SPRR2A: variants seen among roughly 807,000 people sequenced by gnomAD.
The protein encoded by SPRR2A is small proline-rich protein 2A.
SPRR2A carries 3 observed loss-of-function variants against 1.2 expected under a neutral mutation model. The observed-to-expected ratio is 2.56, with a 90% CI of 1.17 to 6.62. The LOEUF (loss-of-function observed/expected upper bound fraction) is 6.62, where lower values mean the gene tolerates loss of function less well. Ranked by LOEUF, SPRR2A falls within the 30% of genes most tolerant of loss-of-function variation. The pLI is 0.02. For synonymous variants in SPRR2A, 31 were observed against 33.1 expected, an observed-to-expected ratio of 0.94 and a Z score of 0.21; for missense variants, 66 against 87.8, an observed-to-expected ratio of 0.75 and a Z score of 0.99.
rs1654342174 is a variant in SPRR2A at position 153,056,281 on chromosome 1, G to A, written c.*236C>T. The stretch of plus-strand genomic sequence containing the variant: ...TGCTCTTTCTTCCGAAGCTCTGGGA[G>A]CTGGCACAGCCCAGGACTTCCTTTG... On this transcript the variant is annotated 3_prime_UTR_variant, in exon 2 of 2. Coordinates refer to ENST00000392653, the MANE Select transcript of SPRR2A (RefSeq NM_005988.3). The A allele has an allele frequency of 1.0e-5, 7 of 669,546 alleles. No homozygotes were observed. The highest frequency in any genetic ancestry group is 1.4e-5 in the Non-Finnish European group (6 of 417,648). 41.5% of individuals were successfully genotyped at this position (669,546 alleles called of 1,614,324 possible).
chr1:153,056,766 G>A lies in SPRR2A; in HGVS notation c.-19-12C>T. 2 of 1,594,916 alleles carry A rather than the reference G, an allele frequency of 1.3e-6. No homozygotes were observed. Among genetic ancestry groups the A allele is most frequent in the Admixed American group, 1.7e-5 (1 of 58,578 alleles). On this transcript the variant is annotated splice_polypyrimidine_tract_variant and intron_variant, in intron 1 of 1. Transcript: ENST00000392653. ...TGGAGTCTCAGGATCTGAAAGAAAT[G>A]ATACAACAGTGTTCGTGGGAAGGGA...
At position 153,056,451 on chromosome 1, in the gene SPRR2A, G is replaced by A; in HGVS notation, c.*66C>T. 1 of 1,573,270 alleles carries A rather than the reference G, an allele frequency of 6.4e-7. No individual in the cohort carries two copies. The highest frequency in any genetic ancestry group is 8.6e-7 in the Non-Finnish European group (1 of 1,158,708). ...TAGGCTTTGATGAGAAGATGAAGGT[G>A]GAGCTGTGGAACGAGGTGAGCCAAA... On this transcript the variant is annotated 3_prime_UTR_variant, in exon 2 of 2. Transcript: ENST00000392653.
At chr1:153,057,256 G>A (rs1051536368) in intron 1 of SPRR2A, among the ~76,000 whole-genome samples, 1 of 152,028 alleles carries the variant, frequency 6.6e-6, no homozygotes, top group African/African-American at 2.4e-5. Context: ...TCATATCAAA[G>A]GTTACCCCTT....
rs1654355284 is a variant in SPRR2A at position 153,056,591 on chromosome 1, G to C, written c.145C>G (p.Gln49Glu). The C allele has an allele frequency of 1.2e-6, 2 of 1,612,172 alleles. No homozygotes were observed. The highest frequency in any genetic ancestry group is 1.7e-6 in the Non-Finnish European group (2 of 1,179,834). Residue 49 changes from glutamine (Q) to glutamate (E), a missense_variant, in exon 2 of 2, where the codon CAG becomes GAG. Transcript: ENST00000392653. ...ACAGGAGGATATTTCTGCTGGCACTGCTGAGGTGGGCAGGGCTGTGGACAC... is the reference window on the plus strand; with the variant it reads ...ACAGGAGGATATTTCTGCTGGCACTCCTGAGGTGGGCAGGGCTGTGGACAC... The part of the protein sequence containing the change: ...PKCPQPCPPQ[Q>E]CQQKYPPVTP...
Position 153,056,462 on chromosome 1 carries a change from A to T in SPRR2A, c.*55T>A. On this transcript the variant is annotated 3_prime_UTR_variant, in exon 2 of 2. Coordinates refer to ENST00000392653, the MANE Select transcript of SPRR2A (RefSeq NM_005988.3). ...GAGAAGATGAAGGTGGAGCTGTGGA[A>T]CGAGGTGAGCCAAATATCCTTATCC... 6.3e-7 allele frequency: 1 copy of T among 1,582,928 alleles called. No homozygotes were observed. Among genetic ancestry groups the T allele is most frequent in the Non-Finnish European group, 8.6e-7 (1 of 1,164,090 alleles).
At chr1:153,056,866 A>T (rs1229324063) in intron 1 of SPRR2A, 112 bp from the exon 2 acceptor site, 12 of 1,483,802 alleles carry the variant, frequency 8.1e-6, no homozygotes, top group Non-Finnish European at 1.1e-5. Context: ...GAAATTATTT[A>T]AATTCTTAAT....
chr1:153,056,481 C>T lies in SPRR2A; in HGVS notation c.*36G>A, dbSNP rs1654350892. 6.2e-7 allele frequency: 1 copy of T among 1,604,446 alleles called. No homozygotes were observed. Among genetic ancestry groups the T allele is most frequent in the East Asian group, 2.2e-5 (1 of 44,818 alleles). ...TGTGGAACGAGGTGAGCCAAATATC[C>T]TTATCCTTTCTTGGTCCTGATGAAT... On this transcript the variant is annotated 3_prime_UTR_variant, in exon 2 of 2. Transcript: ENST00000392653.
At position 153,056,773 on chromosome 1, in the gene SPRR2A, C is replaced by T. The variant is rs771699339; in HGVS notation, c.-19-19G>A. On this transcript the variant is annotated intron_variant, in intron 1 of 1. Transcript: ENST00000392653. ...TCAGGATCTGAAAGAAATGATACAA[C>T]AGTGTTCGTGGGAAGGGAATCCTCC... The T allele has an allele frequency of 1.1e-5, 18 of 1,596,474 alleles. No homozygotes were observed. Among genetic ancestry groups the T allele is most frequent in the Middle Eastern group, 2.3e-4 (1 of 4,430 alleles).
Position 153,056,547 on chromosome 1 carries a change from G to T in SPRR2A, c.189C>A (p.Cys63Ter). Residue 63 changes from cysteine (C) to a stop codon, truncating the protein, a stop_gained, in exon 2 of 2, where the codon TGC becomes TGA. Transcript: ENST00000392653. LOFTEE classifies it high-confidence loss of function. Reference sequence around the variant, plus strand: ...TGCTCTTCGGTGGATACTTTGACTGGCAGGGTGGGGAAGGTGTCACAGGAG... The same window carrying T: ...TGCTCTTCGGTGGATACTTTGACTGTCAGGGTGGGGAAGGTGTCACAGGAG... The part of the protein sequence containing the change: ...KYPPVTPSPP[C>*]QSKYPPKSK 6.2e-7 allele frequency: 1 copy of T among 1,612,300 alleles called. No individual in the cohort carries two copies. Among genetic ancestry groups the T allele is most frequent in the Non-Finnish European group, 8.5e-7 (1 of 1,179,856 alleles).
rs768272791 is a variant in SPRR2A, at chr1:153,056,697, C to T, written c.39G>A (p.Gln13=). The stretch of plus-strand genomic sequence containing the variant: ...TTGGCGTGGGGCACACAGGAGGTGG[C>T]TGGCAGGGCTGCTTGCACTGCTGCT... ...YQQQQCKQPC[Q]PPPVCPTPKC... The change falls in exon 2 of 2, where the codon CAG becomes CAA. Residue 13 remains glutamine, a synonymous_variant. Transcript: ENST00000392653. 5.5e-5 allele frequency: 88 copies of T among 1,610,090 alleles called. No homozygotes were observed. Among genetic ancestry groups the T allele is most frequent in the Non-Finnish European group, 7.1e-5 (84 of 1,179,376 alleles).
At chr1:153,056,781 G>A (rs112694000) in intron 1 of SPRR2A, 27 bp from the exon 2 acceptor site, 61 of 1,596,992 alleles carry the variant, frequency 3.8e-5, no homozygotes, top group Middle Eastern at 4.5e-4. Flanking sequence ...AACAGTGTTC[G>A]TGGGAAGGGA....
rs1654357714 is a variant in SPRR2A at position 153,056,654 on chromosome 1, G to A, written c.82C>T (p.Pro28Ser). Residue 28 changes from proline to serine, a missense_variant, in exon 2 of 2, where the codon CCA becomes TCA. Physicochemically the swap from Pro to Ser is moderately conservative, Grantham distance 74. Transcript: ENST00000392653. ...CAGGGCTCAGGGCACTTCGGGGGTG[G>A]ACATGGCTCTGGGCACTTTGGCGTG... The part of the protein sequence containing the change: ...CPTPKCPEPC[P>S]PPKCPEPCPP... 1 of 1,610,762 alleles carries A rather than the reference G, an allele frequency of 6.2e-7. No homozygotes were observed. The highest frequency in any genetic ancestry group is 8.5e-7 in the Non-Finnish European group (1 of 1,179,024).
intron 1 of SPRR2A, 103 bp downstream of exon 1, chr1:153,057,368 A>G (rs1476833264): frequency 1.3e-5 from 2 of 155,352 alleles, no homozygotes; most frequent in East Asian, 3.8e-4. Flanking sequence ...AAGTAGCATC[A>G]AGTCAATTTT....
chr1:153,056,736 C>T lies in SPRR2A; in HGVS notation c.-1G>A, dbSNP rs2101603719. The T allele has an allele frequency of 6.2e-7, 1 of 1,605,284 alleles. No homozygotes were observed. Among genetic ancestry groups the T allele is most frequent in the East Asian group, 2.2e-5 (1 of 44,834 alleles). ...TGCACTGCTGCTGTTGATAAGACAT[C>T]CTGCTGGAGTCTCAGGATCTGAAAG... On this transcript the variant is annotated 5_prime_UTR_variant, in exon 2 of 2. Coordinates refer to ENST00000392653, the MANE Select transcript of SPRR2A (RefSeq NM_005988.3).
chr1:153,056,583 C>T lies in SPRR2A; in HGVS notation c.153G>A (p.Gln51=). Residue 51 remains glutamine, a synonymous_variant, in exon 2 of 2, where the codon CAG becomes CAA. Coordinates refer to ENST00000392653, the MANE Select transcript of SPRR2A (RefSeq NM_005988.3). ...AAGGTGTCACAGGAGGATATTTCTG[C>T]TGGCACTGCTGAGGTGGGCAGGGCT... is the stretch of plus-strand genomic sequence containing the variant. ...CPQPCPPQQC[Q]QKYPPVTPSP... 2 of 1,612,114 alleles carry T rather than the reference C, an allele frequency of 1.2e-6. No individual in the cohort carries two copies. Among genetic ancestry groups the T allele is most frequent in the Non-Finnish European group, 1.7e-6 (2 of 1,179,808 alleles).
rs1191438353 is a variant in SPRR2A, at chr1:153,056,663, C to G, written c.73G>C (p.Glu25Gln). 3 of 1,610,734 alleles carry G rather than the reference C, an allele frequency of 1.9e-6. No individual in the cohort carries two copies. Among genetic ancestry groups the G allele is most frequent in the Non-Finnish European group, 2.5e-6 (3 of 1,179,092 alleles). ...PPVCPTPKCP[E>Q]PCPPPKCPEP... ...GGGCACTTCGGGGGTGGACATGGCT[C>G]TGGGCACTTTGGCGTGGGGCACACA... The change falls in exon 2 of 2, where the codon GAG becomes CAG. Residue 25 changes from glutamate (E) to glutamine (Q), a missense_variant. Physicochemically the swap from Glu to Gln is conservative, Grantham distance 29. Coordinates refer to ENST00000392653, the MANE Select transcript of SPRR2A (RefSeq NM_005988.3).
rs1290040103 is a variant in SPRR2A at position 153,056,284 on chromosome 1, GGCACA to G, written c.*228_*232del. The G allele has an allele frequency of 5.8e-6, 4 of 695,336 alleles. No individual in the cohort carries two copies. In the East Asian group the frequency reaches 1.1e-4, roughly 20 times the overall value. 43.1% of individuals were successfully genotyped at this position (695,336 alleles called of 1,614,324 possible). On this transcript the variant is annotated 3_prime_UTR_variant, in exon 2 of 2. Transcript: ENST00000392653. ...TCTTTCTTCCGAAGCTCTGGGAGCT[GGCACA>G]GCCCAGGACTTCCTTTGCTCAGTCT...
At position 153,056,604 on chromosome 1, in the gene SPRR2A, G is replaced by A; in HGVS notation, c.132C>T (p.Pro44=). ...EPCPPPKCPQ[P]CPPQQCQQKY... ...TCTGCTGGCACTGCTGAGGTGGGCA[G>A]GGCTGTGGACACTTTGGTGGTGGGC... The change falls in exon 2 of 2, where the codon CCC becomes CCT. Residue 44 remains proline, a synonymous_variant. Transcript: ENST00000392653. The A allele has an allele frequency of 6.2e-7, 1 of 1,611,920 alleles. No individual in the cohort carries two copies. Among genetic ancestry groups the A allele is most frequent in the South Asian group, 1.1e-5 (1 of 90,952 alleles).
In SPRR2A at chr1:153,056,266, T is replaced by G. The variant is rs1222661998; in HGVS notation, c.*251A>C. 9 of 609,982 alleles carry G rather than the reference T, an allele frequency of 1.5e-5. No homozygotes were observed. The highest frequency in any genetic ancestry group is 2.8e-5 in the South Asian group (1 of 35,236). 37.8% of individuals were successfully genotyped at this position (609,982 alleles called of 1,614,324 possible). On this transcript the variant is annotated 3_prime_UTR_variant, in exon 2 of 2. Coordinates refer to ENST00000392653, the MANE Select transcript of SPRR2A (RefSeq NM_005988.3). The stretch of plus-strand genomic sequence containing the variant: ...CAGGGAGAGAGCTGCTGCTCTTTCT[T>G]CCGAAGCTCTGGGAGCTGGCACAGC...
Sources: allele counts gnomAD v4.1 joint callset (sites outside exome capture counted in the v4.1 genomes callset), GRCh38; gene constraint gnomAD v4.1.1; transcripts MANE v1.5; gene names NCBI Gene and HGNC (gene_info 2026-07-23, HGNC 2026-07-21).